The following GPR141 variants were observed in gnomAD, a reference collection of about 807,000 sequenced individuals.
GPR141 encodes the protein probable G protein-coupled receptor 141.
Under a neutral mutation model 6.8 loss-of-function variants are expected in GPR141, and 6 were observed. That is an observed-to-expected ratio of 0.88 (90% CI 0.48 to 1.74). GPR141 has a LOEUF of 1.74. Among genes scored for constraint, GPR141 ranks in the 40% most tolerant of loss-of-function variants. The pLI, the probability that GPR141 is intolerant of heterozygous loss-of-function variation, is 0.01. For synonymous variants in GPR141, 140 were observed against 142.3 expected (o/e 0.98, Z 0.11); for missense variants, 372 against 372.9 (o/e 1.00, Z 0.02).
At chr7:37,709,121 G>A (rs77113053) in intron 2 of GPR141, among the ~76,000 whole-genome samples, 23,791 of 152,132 alleles carry the variant, frequency 0.16, 1,955 homozygotes, top group Middle Eastern at 0.19. Context: ...TATTAGAAAA[G>A]CATATGAAAA....
chr7:37,686,531 G>C (rs1302534485), intron 2 of GPR141, among the ~76,000 whole-genome samples: 1 of 151,480 alleles, frequency 6.6e-6, no homozygotes, highest in Non-Finnish European at 1.5e-5. Flanking sequence ...ATTTCCTTAA[G>C]GGCAGGAACT....
chr7:37,733,358 C>T (rs550646356), intron 2 of GPR141, among the ~76,000 whole-genome samples: 10 of 152,096 alleles, frequency 6.6e-5, no homozygotes, highest in Non-Finnish European at 8.8e-5. Flanking sequence ...GGAGCAGGGA[C>T]GTGGATGAGG....
At chr7:37,692,056 T>C (rs1194512491) in intron 2 of GPR141, among the ~76,000 whole-genome samples, 1 of 152,214 alleles carries the variant, frequency 6.6e-6, no homozygotes, top group East Asian at 1.9e-4. Context: ...TGCAAGTTTG[T>C]TACATAGATA....
At chr7:37,698,953 A>C (rs1362539747) in intron 2 of GPR141, among the ~76,000 whole-genome samples, 1 of 152,222 alleles carries the variant, frequency 6.6e-6, no homozygotes, top group Non-Finnish European at 1.5e-5. Flanking sequence ...TCTTATCTAC[A>C]TAAGGTGGGA....
intron 2 of GPR141, among the ~76,000 whole-genome samples, chr7:37,730,322 C>T (rs941853434): frequency 6.6e-6 from 1 of 152,180 alleles, no homozygotes; most frequent in East Asian, 1.9e-4. Context: ...TGAGGTGGAT[C>T]TCTAAATAAT....
At chr7:37,687,205 T>C (rs1809549414) in intron 2 of GPR141, among the ~76,000 whole-genome samples, 1 of 152,082 alleles carries the variant, frequency 6.6e-6, no homozygotes, top group South Asian at 2.1e-4. Context: ...TCAATCAAAT[T>C]GTAGCTCTGT....
intron 2 of GPR141, among the ~76,000 whole-genome samples, chr7:37,685,976 T>C (rs1809492740): frequency 1.3e-5 from 2 of 152,076 alleles, no homozygotes. Flanking sequence ...AAATAATGTG[T>C]TAAATATATT....
chr7:37,712,244 G>C (rs80088183), intron 2 of GPR141, among the ~76,000 whole-genome samples: 20,727 of 152,098 alleles, frequency 0.14, 1,553 homozygotes, highest in East Asian at 0.18. Flanking sequence ...CAGCAAGAGA[G>C]AAGCAATCAA....
At chr7:37,738,607 A>T (rs2131863334) in intron 2 of GPR141, among the ~76,000 whole-genome samples, 1 of 152,244 alleles carries the variant, frequency 6.6e-6, no homozygotes, top group East Asian at 1.9e-4. Flanking sequence ...ATTTTTTTCC[A>T]TGCCCACAAA....
Position 37,741,259 on chromosome 7 carries a change from A to G in GPR141, c.866A>G (p.His289Arg), listed in dbSNP as rs755571982. 1 of 1,609,658 alleles carries G rather than the reference A, an allele frequency of 6.2e-7. No homozygotes were observed. Among genetic ancestry groups the G allele is most frequent in the Non-Finnish European group, 8.5e-7 (1 of 1,176,762 alleles). The change falls in exon 3 of 3, where the codon CAT becomes CGT. Residue 289 changes from histidine to arginine, a missense_variant. By Grantham distance (29) the His-to-Arg change is conservative. Transcript: ENST00000334425. ...CTTCTCTTTGTCTTTGGGGGAAGCC[A>G]TTGGTTTAAGCAAAAGATAATTGGC... ...DLLLFVFGGSHWFKQKIIGLW... is the reference protein window; with the variant it reads ...DLLLFVFGGSRWFKQKIIGLW...
intron 2 of GPR141, among the ~76,000 whole-genome samples, chr7:37,733,701 G>GAAA (rs981250756): frequency 6.9e-6 from 1 of 144,528 alleles, no homozygotes; most frequent in African/African-American, 2.5e-5. Flanking sequence ...AAAAAGAAAA[G>GAAA]AAAAAAAAAG....
At chr7:37,736,495 GA>G (rs56403860) in intron 2 of GPR141, among the ~76,000 whole-genome samples, 58,309 of 129,262 alleles carry the variant, frequency 0.45, 11,872 homozygotes, top group Admixed American at 0.54. Context: ...ATAAACAGAG[GA>G]AAAAAAAAAA....
intron 2 of GPR141, among the ~76,000 whole-genome samples, chr7:37,738,537 C>T (rs13243199): frequency 0.08 from 12,199 of 152,172 alleles, 751 homozygotes; most frequent in East Asian, 0.24. Flanking sequence ...TAACATGAGA[C>T]AGCTGTTGCA....
chr7:37,704,488 A>C (rs528470585), intron 2 of GPR141, among the ~76,000 whole-genome samples: 13 of 152,204 alleles, frequency 8.5e-5, no homozygotes, highest in Admixed American at 2.6e-4. Context: ...AAACCATCAG[A>C]TCTTGTGAGA....
intron 2 of GPR141, among the ~76,000 whole-genome samples, chr7:37,731,876 C>T (rs978184438): frequency 6.6e-6 from 1 of 152,016 alleles, no homozygotes; most frequent in Non-Finnish European, 1.5e-5. Flanking sequence ...TGGCCCCATC[C>T]TAGTTCTTGC....
At position 37,742,287 on chromosome 7, in the gene GPR141, T is replaced by C. The variant is rs1292882925; in HGVS notation, c.*976T>C. Among the ~76,000 whole-genome samples the C allele has an allele frequency of 1.3e-5, 2 of 152,012 alleles. No homozygotes were observed. The highest frequency in any genetic ancestry group is 4.8e-5 in the African/African-American group (2 of 41,408). ...ATTATACCTTAAGTTCTGGGGTACA[T>C]GTGCAGAATGTGCAGGTTTGTTACA... On this transcript the variant is annotated 3_prime_UTR_variant, in exon 3 of 3. Coordinates refer to ENST00000334425, the MANE Select transcript of GPR141 (RefSeq NM_001381946.1).
chr7:37,720,295 C>T (rs1435459909), intron 2 of GPR141, among the ~76,000 whole-genome samples: 1 of 149,492 alleles, frequency 6.7e-6, no homozygotes, highest in Non-Finnish European at 1.5e-5. Flanking sequence ...TTAGAGATAC[C>T]AGACCCTGGT....
At chr7:37,688,247 A>G (rs1483917115) in intron 2 of GPR141, among the ~76,000 whole-genome samples, 1 of 151,948 alleles carries the variant, frequency 6.6e-6, no homozygotes, top group Non-Finnish European at 1.5e-5. Context: ...CCTGGCCAAT[A>G]TGGTGAACCC....
At chr7:37,685,406 T>TTCCC (rs1411639021) in intron 1 of GPR141, 54 bp from the exon 2 acceptor site, 3 of 151,042 alleles carry the variant, frequency 2.0e-5, no homozygotes, top group Non-Finnish European at 2.9e-5. Context: ...TCCTGCCTTC[T>TTCCC]TCCCTCCCTC....
Sources: allele counts gnomAD v4.1 joint callset (sites outside exome capture counted in the v4.1 genomes callset), GRCh38; gene constraint gnomAD v4.1.1; transcripts MANE v1.5; gene names NCBI Gene and HGNC (gene_info 2026-07-23, HGNC 2026-07-21).